MAN2A2: variants seen among roughly 807,000 people sequenced by gnomAD.
MAN2A2 encodes the protein mannosidase alpha class 2A member 2.
MAN2A2 carries 79 observed loss-of-function variants against 126.8 expected under a neutral mutation model. The observed-to-expected ratio is 0.62, with a 90% CI of 0.52 to 0.75. MAN2A2 has a LOEUF of 0.75. MAN2A2 is among the 30% of genes least tolerant of loss of function. The pLI is 0.00. For missense variants in MAN2A2, 1,392 were observed against 1,522.4 expected (o/e 0.91, Z 1.43); for synonymous variants, 671 against 618.7 (o/e 1.08, Z -1.25).
Position 90,912,293 on chromosome 15 carries a change from G to T in MAN2A2, c.2346+14G>T, listed in dbSNP as rs887825624. 1 of 1,613,672 alleles carries T rather than the reference G, an allele frequency of 6.2e-7. No individual in the cohort carries two copies. The highest frequency in any genetic ancestry group is 1.7e-5 in the Admixed American group (1 of 60,032). The stretch of plus-strand genomic sequence containing the variant: ...GGGCTCCTCAAGGTAAAAGGCCAGG[G>T]TGGTGGGGAAGGGCCAGGGGCCAGA... On this transcript the variant is annotated intron_variant, in intron 15 of 22. Transcript: ENST00000559717.
At chr15:90,905,787 G>A in intron 4 of MAN2A2, 58 bp from the exon 5 acceptor site, 1 of 1,598,708 alleles carries the variant, frequency 6.3e-7, no homozygotes, top group Non-Finnish European at 8.5e-7. Flanking sequence ...GCCAATACAA[G>A]GGAGGGACGT....
intron 7 of MAN2A2, 132 bp from the exon 8 acceptor site, chr15:90,907,177 C>A: frequency 2.1e-6 from 2 of 967,062 alleles, no homozygotes; most frequent in South Asian, 1.6e-5. Context: ...CTGGCCTACA[C>A]ACTCTCTCCA....
intron 9 of MAN2A2, among the ~76,000 whole-genome samples, chr15:90,909,789 G>A (rs2034582291): frequency 6.6e-6 from 1 of 152,170 alleles, no homozygotes; most frequent in Non-Finnish European, 1.5e-5. Context: ...AGTTTTAGTA[G>A]AGATGGGGTT....
Position 90,906,879 on chromosome 15 carries a change from C to T in MAN2A2, c.975C>T (p.Thr325=). 3 of 1,614,050 alleles carry T rather than the reference C, an allele frequency of 1.9e-6. No individual in the cohort carries two copies. Among genetic ancestry groups the T allele is most frequent in the Non-Finnish European group, 2.5e-6 (3 of 1,179,994 alleles). ...CCATCAAGAAGCACTTTGCTGCCAC[C>T]CACAGCCTAGAGTTCATGTGGAGGC... ...HYAIKKHFAA[T]HSLEFMWRQT... is the part of the protein sequence containing the mutation. The change falls in exon 7 of 23, where the codon ACC becomes ACT. Residue 325 remains threonine, a synonymous_variant. Transcript: ENST00000559717.
At chr15:90,911,693 C>T in intron 14 of MAN2A2, 143 bp downstream of exon 14, 1 of 916,380 alleles carries the variant, frequency 1.1e-6, no homozygotes, top group South Asian at 1.7e-5. Flanking sequence ...AGGGGGTTGT[C>T]CAGAAGACAG....
intron 14 of MAN2A2, 133 bp from the exon 15 acceptor site, chr15:90,911,910 C>G: frequency 1.4e-6 from 1 of 727,592 alleles, no homozygotes. Flanking sequence ...ATCAGATCAC[C>G]TCCACTTTGG....
chr15:90,916,459 T>A, intron 20 of MAN2A2: 1 of 1,099,642 alleles, frequency 9.1e-7, no homozygotes, highest in Non-Finnish European at 1.3e-6. Flanking sequence ...CCAGCAGCGC[T>A]CTGTCACCTG....
intron 18 of MAN2A2, 60 bp from the exon 19 acceptor site, chr15:90,913,554 G>A: frequency 1.9e-6 from 3 of 1,573,970 alleles, no homozygotes; most frequent in Non-Finnish European, 2.6e-6. Context: ...TTCAGTCTGG[G>A]GACCGCTTGG....
At position 90,906,377 on chromosome 15, in the gene MAN2A2, G is replaced by C; in HGVS notation, c.715G>C (p.Gly239Arg). ...GTGAGTCCTTAACTATAGGCTGGTGGGAAACGGGCAGCTGGAGATTGCGAC... is the reference window on the plus strand; with the variant it reads ...GTGAGTCCTTAACTATAGGCTGGTGCGAAACGGGCAGCTGGAGATTGCGAC... ...QKRAAVRRLV[G>R]NGQLEIATGG... The change falls in exon 6 of 23, where the codon GGA becomes CGA. Residue 239 changes from glycine (G) to arginine (R), a missense_variant. Coordinates refer to ENST00000559717, the MANE Select transcript of MAN2A2 (RefSeq NM_006122.4). The C allele has an allele frequency of 1.2e-6, 2 of 1,614,108 alleles. No individual in the cohort carries two copies. The highest frequency in any genetic ancestry group is 1.7e-6 in the Non-Finnish European group (2 of 1,179,984).
chr15:90,910,671 A>C lies in MAN2A2; in HGVS notation c.1748A>C (p.Asp583Ala), dbSNP rs1204696157. The change falls in exon 11 of 23, where the codon GAC becomes GCC. Residue 583 changes from aspartate (D) to alanine (A), a missense_variant. By Grantham distance (126) the Asp-to-Ala change is moderately radical (BLOSUM62 -2). Coordinates refer to ENST00000559717, the MANE Select transcript of MAN2A2 (RefSeq NM_006122.4). ...ACGGCCAAGGAGGCTGTGGTGGTGGACTATGGGGTCAGGTGGGAGCCTTCT... is the reference window on the plus strand; with the variant it reads ...ACGGCCAAGGAGGCTGTGGTGGTGGCCTATGGGGTCAGGTGGGAGCCTTCT... ...TGTAKEAVVV[D>A]YGVRLLRSLV... 1 of 1,613,840 alleles carries C rather than the reference A, an allele frequency of 6.2e-7. No individual in the cohort carries two copies. The highest frequency in any genetic ancestry group is 1.3e-5 in the African/African-American group (1 of 74,946).
At position 90,919,757 on chromosome 15, in the gene MAN2A2, G is replaced by T; in HGVS notation, c.3423G>T (p.Glu1141Asp). 1 of 1,614,218 alleles carries T rather than the reference G, an allele frequency of 6.2e-7. No individual in the cohort carries two copies. Among genetic ancestry groups the T allele is most frequent in the Non-Finnish European group, 8.5e-7 (1 of 1,180,034 alleles). The change falls in exon 23 of 23, where the codon GAG (glutamate) becomes GAT (aspartate). Residue 1141 changes from glutamate to aspartate, a missense_variant. Glu to Asp is a conservative substitution (Grantham distance 45). Transcript: ENST00000559717. ...CTGACGTCTATTTGGAGCCCATGGA[G>T]ATTGCTACCTTTCGCCTCCGCTTGG... is the stretch of plus-strand genomic sequence containing the variant. The part of the protein sequence containing the change: ...NSTDVYLEPM[E>D]IATFRLRLG
intron 2 of MAN2A2, 57 bp downstream of exon 2, chr15:90,904,396 T>C (rs1052242980): frequency 6.3e-7 from 1 of 1,579,370 alleles, no homozygotes; most frequent in African/African-American, 1.3e-5. Flanking sequence ...GCTCAGGGTA[T>C]GCACCTCCCA....
At chr15:90,917,222 T>A (rs1056731394) in intron 20 of MAN2A2, among the ~76,000 whole-genome samples, 3 of 152,220 alleles carry the variant, frequency 2.0e-5, no homozygotes, top group Non-Finnish European at 4.4e-5. Flanking sequence ...TATTAGACCA[T>A]GTGGTGTCGG....
chr15:90,906,208 G>A (rs1226426027), intron 5 of MAN2A2, among the ~76,000 whole-genome samples, 162 bp from the exon 6 acceptor site: 3 of 152,222 alleles, frequency 2.0e-5, no homozygotes, highest in Non-Finnish European at 4.4e-5. Context: ...GGATAGCCTG[G>A]AGGTTGGCTG....
intron 8 of MAN2A2, among the ~76,000 whole-genome samples, chr15:90,909,002 G>C (rs1000958455): frequency 1.3e-5 from 2 of 152,210 alleles, no homozygotes; most frequent in Admixed American, 6.5e-5. Flanking sequence ...TGTGGAGCTG[G>C]TGTGATATGG....
chr15:90,912,580 G>A lies in MAN2A2; in HGVS notation c.2385G>A (p.Val795=). ...RRVDEEHEQQ[V]DMQVLVYGTR... ...TGGATGAGGAGCACGAGCAGCAGGT[G>A]GACATGCAGGTCCTTGTCTATGGCA... Residue 795 remains valine (V), a synonymous_variant, in exon 16 of 23, where the codon GTG becomes GTA. Coordinates refer to ENST00000559717, the MANE Select transcript of MAN2A2 (RefSeq NM_006122.4). 1.2e-6 allele frequency: 2 copies of A among 1,614,142 alleles called. No individual in the cohort carries two copies. Among genetic ancestry groups the A allele is most frequent in the African/African-American group, 1.3e-5 (1 of 75,052 alleles).
At chr15:90,903,852 G>C in intron 1 of MAN2A2, 1 of 373,922 alleles carries the variant, frequency 2.7e-6, no homozygotes, top group South Asian at 2.2e-5. Flanking sequence ...CCTGAAACTA[G>C]AAGCACATGG....
rs1306598669 is a variant in MAN2A2, at chr15:90,904,366, T to C, written c.132+27T>C. Reference sequence around the variant, plus strand: ...TGAGTCGTGCCTGGTTGCTAATTTCTTTGTATACAAGTCACCTGGGCTCAG... The same window carrying C: ...TGAGTCGTGCCTGGTTGCTAATTTCCTTGTATACAAGTCACCTGGGCTCAG... On this transcript the variant is annotated intron_variant, in intron 2 of 22. Coordinates refer to ENST00000559717, the MANE Select transcript of MAN2A2 (RefSeq NM_006122.4). 4 of 1,608,848 alleles carry C rather than the reference T, an allele frequency of 2.5e-6. No homozygotes were observed. The South Asian group carries it at 4.4e-5, about 18-fold the overall frequency.
chr15:90,907,004 C>A, intron 7 of MAN2A2, 91 bp downstream of exon 7: 1 of 1,471,218 alleles, frequency 6.8e-7, no homozygotes, highest in Non-Finnish European at 9.3e-7. Flanking sequence ...CACTGTTCTT[C>A]AGAGCAGACC....
Sources: gnomAD v4.1 joint callset for allele counts (sites outside exome capture counted in the v4.1 genomes callset) on GRCh38, gnomAD v4.1.1 for gene constraint, MANE v1.5 for transcripts, NCBI Gene and HGNC (gene_info 2026-07-23, HGNC 2026-07-21) for gene names.